Variants in BABAM2 observed in about 807,000 individuals in gnomAD.
BABAM2 encodes the protein BRISC and BRCA1-A complex member 2.
Under a neutral mutation model 54.7 loss-of-function variants are expected in BABAM2, and 31 were observed. That is an observed-to-expected ratio of 0.57 (90% CI 0.43 to 0.77). BABAM2 has a LOEUF of 0.77. BABAM2 is among the 30% of genes least tolerant of loss of function. BABAM2 has a pLI of 0.00. For synonymous variants in BABAM2, 167 were observed against 162.9 expected, an observed-to-expected ratio of 1.03 and a Z score of -0.19; for missense variants, 364 against 455.8, an observed-to-expected ratio of 0.80 and a Z score of 1.83.
At chr2:27,989,722 GA>G (rs1433825591) in intron 4 of BABAM2, among the ~76,000 whole-genome samples, 3 of 152,114 alleles carry the variant, frequency 2.0e-5, no homozygotes, top group African/African-American at 7.2e-5. Flanking sequence ...AGTGGAGGGA[GA>G]AAGGGCTTTG....
At position 28,338,557 on chromosome 2, in the gene BABAM2, C is replaced by T; in HGVS notation, c.*44C>T. ...GGTGGCCAGCCAGACTGCCTGTCCA[C>T]ATGCGTGTCAGCACATACAGCCGCT... On this transcript the variant is annotated 3_prime_UTR_variant, in exon 12 of 12. Coordinates refer to ENST00000379624, the MANE Select transcript of BABAM2 (RefSeq NM_199191.3). The T allele has an allele frequency of 6.2e-7, 1 of 1,603,708 alleles. No homozygotes were observed. The highest frequency in any genetic ancestry group is 1.1e-5 in the South Asian group (1 of 90,812).
At chr2:27,908,683 A>G (rs905997723) in intron 2 of BABAM2, among the ~76,000 whole-genome samples, 7 of 152,042 alleles carry the variant, frequency 4.6e-5, no homozygotes, top group African/African-American at 1.4e-4. Context: ...TTTAGCTTCC[A>G]CTTATAAGTG....
intron 11 of BABAM2, among the ~76,000 whole-genome samples, chr2:28,320,256 G>C (rs1313550412): frequency 1.3e-5 from 2 of 152,194 alleles, no homozygotes; most frequent in African/African-American, 4.8e-5. Context: ...CCCCTTACTT[G>C]GTTTTAAGAG....
intron 7 of BABAM2, among the ~76,000 whole-genome samples, chr2:28,215,301 T>C (rs1679829584): frequency 6.6e-6 from 1 of 152,200 alleles, no homozygotes; most frequent in South Asian, 2.1e-4. Flanking sequence ...CTTTAACTTG[T>C]CTAAGCCTCA....
chr2:28,194,413 A>G (rs1171063766), intron 7 of BABAM2, among the ~76,000 whole-genome samples: 1 of 152,126 alleles, frequency 6.6e-6, no homozygotes, highest in Admixed American at 6.5e-5. Context: ...TTTCTTGGAT[A>G]GAACTTAGCT....
At chr2:27,987,110 G>T (rs962019489) in intron 3 of BABAM2, among the ~76,000 whole-genome samples, 1 of 151,950 alleles carries the variant, frequency 6.6e-6, no homozygotes, top group Non-Finnish European at 1.5e-5. Context: ...TCTTTTTATC[G>T]TCACAATAAA....
At chr2:28,105,413 A>G (rs970330397) in intron 6 of BABAM2, among the ~76,000 whole-genome samples, 7 of 152,198 alleles carry the variant, frequency 4.6e-5, no homozygotes, top group African/African-American at 1.4e-4. Flanking sequence ...AACTTGCCTC[A>G]TTCATCTTTG....
intron 10 of BABAM2, among the ~76,000 whole-genome samples, chr2:28,251,111 A>C (rs1339785593): frequency 6.6e-6 from 1 of 152,210 alleles, no homozygotes; most frequent in Non-Finnish European, 1.5e-5. Flanking sequence ...ATGTTCACAC[A>C]GATGTCTTAG....
intron 6 of BABAM2, among the ~76,000 whole-genome samples, chr2:28,081,599 T>C (rs1398177078): frequency 6.6e-6 from 1 of 152,200 alleles, no homozygotes; most frequent in Non-Finnish European, 1.5e-5. Flanking sequence ...AGAGTCTGCA[T>C]TTCCACTAGC....
intron 7 of BABAM2, among the ~76,000 whole-genome samples, chr2:28,171,904 A>G (rs971739859): frequency 6.6e-6 from 1 of 152,304 alleles, no homozygotes; most frequent in Non-Finnish European, 1.5e-5. Flanking sequence ...CTTAGAAGCA[A>G]TGGCTACTCA....
intron 7 of BABAM2, among the ~76,000 whole-genome samples, chr2:28,155,723 G>GA (rs1316595693): frequency 1.1e-4 from 16 of 152,154 alleles, no homozygotes; most frequent in African/African-American, 3.6e-4. Context: ...GAGACAGTGA[G>GA]AAAAAACAGC....
At chr2:27,987,442 T>G (rs527709006) in intron 3 of BABAM2, among the ~76,000 whole-genome samples, 2 of 152,318 alleles carry the variant, frequency 1.3e-5, no homozygotes, top group South Asian at 4.1e-4. Context: ...CTGCTTCTAC[T>G]TTTCTCCTTG....
chr2:27,928,402 G>T (rs1667864087), intron 2 of BABAM2, among the ~76,000 whole-genome samples: 2 of 151,934 alleles, frequency 1.3e-5, no homozygotes, highest in Admixed American at 1.3e-4. Flanking sequence ...TGCCTGCCTT[G>T]GCCTCCCAAA....
intron 6 of BABAM2, among the ~76,000 whole-genome samples, chr2:28,085,580 T>C (rs4476309): frequency 6.6e-6 from 1 of 152,156 alleles, no homozygotes; most frequent in Non-Finnish European, 1.5e-5. Flanking sequence ...CTTGTCAAAG[T>C]AATGAATATT....
chr2:28,030,292 T>C (rs1369328658), intron 5 of BABAM2, among the ~76,000 whole-genome samples: 1 of 152,226 alleles, frequency 6.6e-6, no homozygotes, highest in Non-Finnish European at 1.5e-5. Context: ...GTTACCGATA[T>C]TCCTTTCTTT....
At chr2:28,030,734 C>T (rs144046376) in intron 5 of BABAM2, among the ~76,000 whole-genome samples, 70 of 152,250 alleles carry the variant, frequency 4.6e-4, no homozygotes, top group African/African-American at 1.6e-3. Context: ...CCTATTGCTG[C>T]TGTAAAAATT....
chr2:28,305,931 A>G (rs1421422105), intron 11 of BABAM2, among the ~76,000 whole-genome samples: 1 of 151,944 alleles, frequency 6.6e-6, no homozygotes, highest in East Asian at 1.9e-4. Context: ...GTTATTTTTC[A>G]TTATTATTTT....
intron 11 of BABAM2, among the ~76,000 whole-genome samples, chr2:28,312,280 A>G (rs1447424990): frequency 6.6e-6 from 1 of 152,228 alleles, no homozygotes; most frequent in Admixed American, 6.5e-5. Flanking sequence ...CATTCAGCAC[A>G]AGGGCCACCT....
chr2:28,243,480 C>T (rs1167613921), intron 9 of BABAM2, among the ~76,000 whole-genome samples: 3 of 151,828 alleles, frequency 2.0e-5, no homozygotes, highest in Admixed American at 6.6e-5. Flanking sequence ...TGCAGTGAAC[C>T]GAGATCATGC....
Sources: allele counts gnomAD v4.1 joint callset (sites outside exome capture counted in the v4.1 genomes callset), GRCh38; gene constraint gnomAD v4.1.1; transcripts MANE v1.5; gene names NCBI Gene and HGNC (gene_info 2026-07-23, HGNC 2026-07-21).